Variants in CD109 observed in about 807,000 individuals in gnomAD.
CD109 encodes CD109 molecule, also known as CD109 antigen.
A neutral mutation model predicts 165.8 loss-of-function variants in CD109; 149 were observed. The observed-to-expected ratio is 0.90, with a 90% confidence interval of 0.79 to 1.03. The LOEUF (loss-of-function observed/expected upper bound fraction) is 1.03. Ranked by LOEUF, CD109 falls within the 50% of genes least tolerant of loss-of-function variation. CD109 has a pLI of 0.00. For missense variants in CD109, 1,712 were observed against 1,677.8 expected (o/e 1.02, Z -0.36); for synonymous variants, 585 against 592.1 (o/e 0.99, Z 0.18).
chr6:73,741,170 C>G (rs1772770734), intron 5 of CD109, among the ~76,000 whole-genome samples: 1 of 151,856 alleles, frequency 6.6e-6, no homozygotes, highest in South Asian at 2.1e-4. Flanking sequence ...ATGTTTAAGA[C>G]CTCTTAAAAT....
chr6:73,814,900 A>G (rs1186898777), intron 29 of CD109, 81 bp from the exon 30 acceptor site: 1 of 954,558 alleles, frequency 1.0e-6, no homozygotes, highest in African/African-American at 1.7e-5. Context: ...AAAGAGAATC[A>G]TTACCTAATA....
At position 73,810,046 on chromosome 6, in the gene CD109, C is replaced by T. The variant is rs746661196; in HGVS notation, c.3418C>T (p.Leu1140=). ...TTCTGACTCCTGGCAGCCACGCTCC[C>T]TGGATATTGAAGTTGCAGCCTATGC... is the stretch of plus-strand genomic sequence containing the variant. ...KLSDSWQPRS[L]DIEVAAYALL... is the part of the protein sequence containing the mutation. The change falls in exon 27 of 33, where the codon CTG becomes TTG. Residue 1140 remains leucine (L), a synonymous_variant. Coordinates refer to ENST00000287097, the MANE Select transcript of CD109 (RefSeq NM_133493.5). 2 of 1,606,646 alleles carry T rather than the reference C, an allele frequency of 1.2e-6. No individual in the cohort carries two copies. The highest frequency in any genetic ancestry group is 1.7e-6 in the Non-Finnish European group (2 of 1,177,660).
intron 2 of CD109, among the ~76,000 whole-genome samples, chr6:73,710,359 A>G (rs931594499): frequency 1.1e-4 from 16 of 152,174 alleles, no homozygotes; most frequent in African/African-American, 3.9e-4. Context: ...CAAAGAGAAT[A>G]AAATACCTAG....
chr6:73,792,660 C>A lies in CD109; in HGVS notation c.2736C>A (p.Ala912=). 6.2e-7 allele frequency: 1 copy of A among 1,613,320 alleles called. No individual in the cohort carries two copies. Among genetic ancestry groups the A allele is most frequent in the Non-Finnish European group, 8.5e-7 (1 of 1,179,926 alleles). The change falls in exon 23 of 33, where the codon GCC becomes GCA. Residue 912 remains alanine (A), a synonymous_variant. Coordinates refer to ENST00000287097, the MANE Select transcript of CD109 (RefSeq NM_133493.5). ...DVLGPSINGL[A]SLIRMPYGCG... The stretch of plus-strand genomic sequence containing the variant: ...TTGGTCCTTCCATCAATGGCTTAGC[C>A]TCATTGATTCGGATGCCTTATGGCT...
In CD109 at chr6:73,823,676, G is replaced by A; in HGVS notation, c.*43G>A. 1 of 1,513,426 alleles carries A rather than the reference G, an allele frequency of 6.6e-7. No individual in the cohort carries two copies. Among genetic ancestry groups the A allele is most frequent in the Non-Finnish European group, 9.0e-7 (1 of 1,112,710 alleles). The allele number at this position is 1,513,426 out of a possible 1,614,324, so 93.7% of individuals were successfully genotyped here. The stretch of plus-strand genomic sequence containing the variant: ...CTGTGTAACACTAACATTTCCAGTA[G>A]TCACATGTGATTGTTTTGTTTTCGT... On this transcript the variant is annotated 3_prime_UTR_variant, in exon 33 of 33. Transcript: ENST00000287097.
intron 15 of CD109, among the ~76,000 whole-genome samples, chr6:73,775,228 A>G (rs967428015): frequency 1.3e-5 from 2 of 152,044 alleles, no homozygotes; most frequent in Admixed American, 6.6e-5. Context: ...GTTATTGTGT[A>G]TACATGAGGT....
chr6:73,736,497 G>A lies in CD109; in HGVS notation c.622G>A (p.Val208Ile). The change falls in exon 5 of 33, where the codon GTT becomes ATT. Residue 208 changes from valine (V) to isoleucine (I), a missense_variant. Physicochemically the swap from Val to Ile is conservative, Grantham distance 29. Transcript: ENST00000287097. ...AATACTTGGTGACTGGTCTATTCAA[G>A]TTCAAGTGAATGTGAGTATAAATAT... is the stretch of plus-strand genomic sequence containing the variant. ...HPILGDWSIQ[V>I]QVNDQTYYQS... 6.2e-7 allele frequency: 1 copy of A among 1,611,060 alleles called. No individual in the cohort carries two copies. Among genetic ancestry groups the A allele is most frequent in the Non-Finnish European group, 8.5e-7 (1 of 1,178,854 alleles).
chr6:73,787,429 G>A lies in CD109; in HGVS notation c.2533G>A (p.Val845Ile), dbSNP rs5023688. Residue 845 changes from valine to isoleucine, a missense_variant, in exon 21 of 33, where the codon GTC (valine) becomes ATC (isoleucine). Coordinates refer to ENST00000287097, the MANE Select transcript of CD109 (RefSeq NM_133493.5). ...TALSPTASDA[V>I]TQMILVKAEG... Reference sequence around the variant, plus strand: ...TCTTTCACCCACTGCTTCTGATGCTGTCACCCAGATGATTTTAGTAAAGGT... The same window carrying A: ...TCTTTCACCCACTGCTTCTGATGCTATCACCCAGATGATTTTAGTAAAGGT... 577,115 of 1,609,568 alleles carry A rather than the reference G, an allele frequency of 0.36. 105,275 individuals carry two copies. Among genetic ancestry groups the A allele is most frequent in the Admixed American group, 0.47 (28,113 of 59,922 alleles).
intron 4 of CD109, among the ~76,000 whole-genome samples, chr6:73,734,455 T>C (rs1249900076): frequency 6.6e-6 from 1 of 152,258 alleles, no homozygotes. Flanking sequence ...TGTATTTCCT[T>C]AATTACTAGA....
Position 73,766,763 on chromosome 6 carries a change from A to C in CD109, c.1337A>C (p.Tyr446Ser). Residue 446 changes from tyrosine (Y) to serine (S), a missense_variant, in exon 12 of 33, where the codon TAT becomes TCT. Physicochemically the swap from Tyr to Ser is moderately radical, Grantham distance 144 (BLOSUM62 -2). Transcript: ENST00000287097. ...CTCCTTTTTCTTTTATTATAGGCCT[A>C]TTTCCTTGGTAGTAAAAGTAGCATG... Reference protein sequence around the residue: ...EDSSELQLKAYFLGSKSSMAV... With the variant: ...EDSSELQLKASFLGSKSSMAV... 1 of 1,608,350 alleles carries C rather than the reference A, an allele frequency of 6.2e-7. No individual in the cohort carries two copies. Among genetic ancestry groups the C allele is most frequent in the Non-Finnish European group, 8.5e-7 (1 of 1,175,916 alleles).
intron 5 of CD109, among the ~76,000 whole-genome samples, chr6:73,738,332 A>C (rs1056687622): frequency 1.3e-5 from 2 of 152,158 alleles, no homozygotes; most frequent in Non-Finnish European, 2.9e-5. Flanking sequence ...TCATGCCCAG[A>C]ATCTTTAAAG....
At chr6:73,789,908 C>A (rs551720743) in intron 22 of CD109, among the ~76,000 whole-genome samples, 1 of 151,598 alleles carries the variant, frequency 6.6e-6, no homozygotes. Flanking sequence ...ATTACAGGCA[C>A]GTGCCACCAC....
At chr6:73,727,754 G>A (rs535094177) in intron 3 of CD109, among the ~76,000 whole-genome samples, 15 of 152,254 alleles carry the variant, frequency 9.9e-5, no homozygotes, top group African/African-American at 3.4e-4. Context: ...ATCAGGAAGA[G>A]CAATCCCATC....
chr6:73,766,261 A>C, intron 11 of CD109, 107 bp downstream of exon 11: 1 of 837,934 alleles, frequency 1.2e-6, no homozygotes, highest in Non-Finnish European at 1.9e-6. Flanking sequence ...GGAAGTGGAC[A>C]CATGTTTCTG....
chr6:73,714,250 G>C (rs1771641101), intron 2 of CD109, among the ~76,000 whole-genome samples: 1 of 152,178 alleles, frequency 6.6e-6, no homozygotes, highest in Non-Finnish European at 1.5e-5. Context: ...ACTGCCTTCA[G>C]AGCCAGTTGT....
intron 22 of CD109, among the ~76,000 whole-genome samples, chr6:73,790,888 T>G (rs1459179496): frequency 6.6e-6 from 1 of 151,982 alleles, no homozygotes; most frequent in Non-Finnish European, 1.5e-5. Flanking sequence ...TTGGCTCACT[T>G]AAGTTGACAC....
chr6:73,708,785 C>T (rs1383822376), intron 2 of CD109, among the ~76,000 whole-genome samples: 1 of 152,220 alleles, frequency 6.6e-6, no homozygotes, highest in African/African-American at 2.4e-5. Flanking sequence ...TTTTTGGCTG[C>T]ACAAATGTCT....
Position 73,812,219 on chromosome 6 carries a change from G to A in CD109, c.3717G>A (p.Gln1239=). 1 of 1,609,892 alleles carries A rather than the reference G, an allele frequency of 6.2e-7. No homozygotes were observed. Among genetic ancestry groups the A allele is most frequent in the Non-Finnish European group, 8.5e-7 (1 of 1,177,218 alleles). Residue 1239 remains glutamine, a synonymous_variant, in exon 29 of 33, where the codon CAG becomes CAA. Coordinates refer to ENST00000287097, the MANE Select transcript of CD109 (RefSeq NM_133493.5). ...LLQTAELAVV[Q]PTAVNISANG... Reference sequence around the variant, plus strand: ...CCTTGATTCAGCTTGCTGTGGTACAGCCAACGGCAGTTAATATTTCCGCAA... The same window carrying A: ...CCTTGATTCAGCTTGCTGTGGTACAACCAACGGCAGTTAATATTTCCGCAA...
chr6:73,766,001 G>A lies in CD109; in HGVS notation c.1179G>A (p.Val393=). 1 of 1,614,074 alleles carries A rather than the reference G, an allele frequency of 6.2e-7. No homozygotes were observed. Among genetic ancestry groups the A allele is most frequent in the Non-Finnish European group, 8.5e-7 (1 of 1,179,972 alleles). The change falls in exon 11 of 33, where the codon GTG becomes GTA. Residue 393 remains valine (V), a synonymous_variant. Transcript: ENST00000287097. ...EERRNNVVIT[V]TQRNYTEYWS... is the part of the protein sequence containing the mutation. ...GAAGAAATAATGTAGTCATAACAGT[G>A]ACACAGAGAAACTATACTGAGTACT...
Sources: gnomAD v4.1 joint callset for allele counts (sites outside exome capture counted in the v4.1 genomes callset) on GRCh38, gnomAD v4.1.1 for gene constraint, MANE v1.5 for transcripts, NCBI Gene and HGNC (gene_info 2026-07-23, HGNC 2026-07-21) for gene names.